Variants in ST3GAL3 observed in about 807,000 individuals in gnomAD.
The protein encoded by ST3GAL3 is CMP-N-acetylneuraminate-beta-1,4-galactoside alpha-2,3-sialyltransferase.
In ST3GAL3, 21 loss-of-function variants were observed where a neutral mutation model predicts 50.1. That is an observed-to-expected ratio of 0.42 (90% confidence interval 0.30 to 0.60). The LOEUF (loss-of-function observed/expected upper bound fraction) is 0.60. ST3GAL3 is among the 20% of genes least tolerant of loss of function. The pLI is 0.19. For missense variants in ST3GAL3, 353 were observed against 489.4 expected, an observed-to-expected ratio of 0.72 and a Z score of 2.63; for synonymous variants, 183 against 190.0, an observed-to-expected ratio of 0.96 and a Z score of 0.30.
chr1:43,881,628 C>G (rs2075146336), intron 5 of ST3GAL3, among the ~76,000 whole-genome samples: 1 of 152,342 alleles, frequency 6.6e-6, no homozygotes, highest in Non-Finnish European at 1.5e-5. Flanking sequence ...GGCACTGCCC[C>G]CTTGAGGGCC....
chr1:43,751,912 G>A (rs1430545129), intron 2 of ST3GAL3, among the ~76,000 whole-genome samples: 4 of 151,348 alleles, frequency 2.6e-5, no homozygotes, highest in South Asian at 2.1e-4. Flanking sequence ...CTCCACCTCC[G>A]GGTTCAAGCG....
chr1:43,917,550 TATATA>T (rs1275474952), intron 9 of ST3GAL3, among the ~76,000 whole-genome samples: 4 of 87,192 alleles, frequency 4.6e-5, no homozygotes, highest in Admixed American at 3.9e-4. Context: ...TTATGTATTA[TATATA>T]ATATATTATA....
intron 1 of ST3GAL3, among the ~76,000 whole-genome samples, chr1:43,714,703 C>T (rs1666507252): frequency 6.6e-6 from 1 of 152,160 alleles, no homozygotes; most frequent in Non-Finnish European, 1.5e-5. Context: ...TGTGTGTGAC[C>T]ATAATATACT....
intron 2 of ST3GAL3, among the ~76,000 whole-genome samples, chr1:43,783,298 C>G (rs74070693): frequency 0.029 from 4,365 of 152,244 alleles, 214 homozygotes; most frequent in African/African-American, 0.1. Flanking sequence ...TCCCTGTTCT[C>G]CCAGTGCTCA....
chr1:43,851,965 A>G (rs1358014729), intron 5 of ST3GAL3, among the ~76,000 whole-genome samples: 1 of 152,086 alleles, frequency 6.6e-6, no homozygotes, highest in African/African-American at 2.4e-5. Flanking sequence ...CCTAAATCTT[A>G]CCTTTTTAAA....
chr1:43,792,152 A>G lies in ST3GAL3; in HGVS notation c.166+3A>G, dbSNP rs1245294753. The G allele has an allele frequency of 6.2e-7, 1 of 1,614,212 alleles. No homozygotes were observed. The highest frequency in any genetic ancestry group is 8.5e-7 in the Non-Finnish European group (1 of 1,180,032). Reference sequence around the variant, plus strand: ...CGCTGGACAAACACTAGGCTCAGGTACCAACTCTTCCCCCTCTATCATCTT... The same window carrying G: ...CGCTGGACAAACACTAGGCTCAGGTGCCAACTCTTCCCCCTCTATCATCTT... On this transcript the variant is annotated splice_donor_region_variant and intron_variant, in intron 3 of 11. Coordinates refer to ENST00000347631, the MANE Select transcript of ST3GAL3 (RefSeq NM_006279.5).
Position 43,814,934 on chromosome 1 carries a change from G to C in ST3GAL3, c.209+1G>C, listed in dbSNP as rs1260294314. On this transcript the variant is annotated splice_donor_variant, in intron 4 of 11. Coordinates refer to ENST00000347631, the MANE Select transcript of ST3GAL3 (RefSeq NM_006279.5). LOFTEE classifies it high-confidence loss of function. ...TCCTCCTGAATCTGGACTCTAAACT[G>C]TGAGTAGAATGAGAAGATACCTTGG... 6.2e-7 allele frequency: 1 copy of C among 1,613,972 alleles called. No individual in the cohort carries two copies. The highest frequency in any genetic ancestry group is 8.5e-7 in the Non-Finnish European group (1 of 1,179,974).
intron 5 of ST3GAL3, chr1:43,858,394 G>A (rs938211110): frequency 8.6e-5 from 96 of 1,122,126 alleles, no homozygotes; most frequent in Non-Finnish European, 1.1e-4. Flanking sequence ...CCTAGGAGCA[G>A]GAACTGTAGG....
At chr1:43,713,074 C>A (rs1207609153) in intron 1 of ST3GAL3, among the ~76,000 whole-genome samples, 1 of 152,132 alleles carries the variant, frequency 6.6e-6, no homozygotes, top group East Asian at 1.9e-4. Context: ...ATCCATAGTA[C>A]CATGCCTACT....
In ST3GAL3 at chr1:43,729,386, T is replaced by C. The variant is rs1674592565; in HGVS notation, c.-30-6847T>C. Among the ~76,000 whole-genome samples the C allele has an allele frequency of 4.6e-5, 7 of 152,172 alleles. No homozygotes were observed. The South Asian group carries it at 1.5e-3, about 32-fold the overall frequency. On this transcript the variant is annotated intron_variant, in intron 1 of 11. Coordinates refer to ENST00000347631, the MANE Select transcript of ST3GAL3 (RefSeq NM_006279.5). ...TGAGCCACCATGCCTGGTTATATAT[T>C]AAAAACCATTTTTTTCCCACTGAAT...
intron 1 of ST3GAL3, among the ~76,000 whole-genome samples, chr1:43,719,542 G>A (rs1416237212): frequency 6.6e-6 from 1 of 152,024 alleles, no homozygotes; most frequent in Admixed American, 6.6e-5. Flanking sequence ...GCGGGTGCCT[G>A]TAATCCCAGC....
intron 1 of ST3GAL3, among the ~76,000 whole-genome samples, chr1:43,719,767 T>C (rs1476959480): frequency 6.6e-6 from 1 of 151,386 alleles, no homozygotes; most frequent in Non-Finnish European, 1.5e-5. Context: ...AGCCCGTCTC[T>C]ACTAAAAATA....
chr1:43,820,257 G>A (rs141286711), intron 4 of ST3GAL3, among the ~76,000 whole-genome samples: 116 of 152,246 alleles, frequency 7.6e-4, no homozygotes, highest in African/African-American at 2.6e-3. Context: ...CTAACCATAT[G>A]CAGAAGAATG....
At chr1:43,853,734 C>T (rs915880323) in intron 5 of ST3GAL3, among the ~76,000 whole-genome samples, 36 of 152,184 alleles carry the variant, frequency 2.4e-4, no homozygotes, top group Non-Finnish European at 4.3e-4. Context: ...TGTGACTGTG[C>T]GTCTGTGATT....
At chr1:43,923,387 C>A (rs1171094046) in intron 11 of ST3GAL3, among the ~76,000 whole-genome samples, 2 of 152,062 alleles carry the variant, frequency 1.3e-5, no homozygotes, top group Non-Finnish European at 2.9e-5. Context: ...TATATTGTAT[C>A]AGGCTTTTTT....
rs1679158403 is a variant in ST3GAL3, at chr1:43,737,880, G to A, written c.118+1500G>A. ...TCATTGTGTTTCAGGCATTAGGCTA[G>A]ACAATTTACAAATATAATTTCATTT... On this transcript the variant is annotated intron_variant, in intron 2 of 11. Transcript: ENST00000347631. The surrounding 1 kb of genome is among the most constrained non-coding windows in gnomAD (Gnocchi z 4.0). 2.6e-5 allele frequency: 4 copies of A among 152,208 alleles called. No homozygotes were observed. The highest frequency in any genetic ancestry group is 2.6e-4 in the Admixed American group (4 of 15,282). The allele number at this position is 152,208 out of a possible 1,614,324, so 9.4% of individuals were successfully genotyped here. A position where few individuals can be genotyped will look rare whatever the true frequency, so the allele number is the denominator to read the frequency against.
At chr1:43,862,643 C>T (rs1188878779) in intron 5 of ST3GAL3, among the ~76,000 whole-genome samples, 5 of 151,014 alleles carry the variant, frequency 3.3e-5, no homozygotes, top group African/African-American at 1.2e-4. Flanking sequence ...CGCAGTGGCT[C>T]ACACTTGTAA....
At chr1:43,867,242 C>T (rs191357367) in intron 5 of ST3GAL3, among the ~76,000 whole-genome samples, 4 of 152,156 alleles carry the variant, frequency 2.6e-5, no homozygotes, top group Non-Finnish European at 4.4e-5. Context: ...TCCCACGACA[C>T]GTAGGAATTG....
chr1:43,880,152 A>T (rs745391359), intron 5 of ST3GAL3, among the ~76,000 whole-genome samples: 10 of 152,202 alleles, frequency 6.6e-5, no homozygotes, highest in Non-Finnish European at 1.2e-4. Flanking sequence ...CCTGCTGTGT[A>T]CTTGGCTGAG....
Sources: allele counts gnomAD v4.1 joint callset (sites outside exome capture counted in the v4.1 genomes callset), GRCh38; gene constraint gnomAD v4.1.1; non-coding constraint Gnocchi (gnomAD v3.1); transcripts MANE v1.5; gene names NCBI Gene and HGNC (gene_info 2026-07-23, HGNC 2026-07-21).